CAMKV: variants seen among roughly 807,000 people sequenced by gnomAD.
CAMKV encodes the protein caM kinase-like vesicle-associated protein.
Under a neutral mutation model 50.2 loss-of-function variants are expected in CAMKV, and 5 were observed. The ratio of observed to expected loss-of-function variants is 0.10; its 90% confidence interval spans 0.05 to 0.21. CAMKV has a LOEUF of 0.21. Ranked by LOEUF, CAMKV falls within the 10% of genes least tolerant of loss-of-function variation. The pLI is 1.00. For synonymous variants in CAMKV, 229 were observed against 250.1 expected (o/e 0.92, Z 0.80); for missense variants, 361 against 650.5 (o/e 0.55, Z 4.84).
chr3:49,867,303 G>A (rs928896757), intron 1 of CAMKV, among the ~76,000 whole-genome samples: 1 of 152,254 alleles, frequency 6.6e-6, no homozygotes, highest in South Asian at 2.1e-4. Flanking sequence ...CTGAGCCTCC[G>A]GCTCGAGCTA....
In CAMKV at chr3:49,858,026, G is replaced by C; in HGVS notation, c.*1292C>G. The stretch of plus-strand genomic sequence containing the variant: ...TGATGTTTATTTGCCAGGTTCAGTA[G>C]GCACACAGTTAACCCACCGACCTTC... On this transcript the variant is annotated 3_prime_UTR_variant, in exon 11 of 11. Coordinates refer to ENST00000477224, the MANE Select transcript of CAMKV (RefSeq NM_024046.5). The C allele has an allele frequency of 2.6e-6, 1 of 379,184 alleles. No homozygotes were observed. Among genetic ancestry groups the C allele is most frequent in the Non-Finnish European group, 4.7e-6 (1 of 214,008 alleles). 23.5% of individuals were successfully genotyped at this position (379,184 alleles called of 1,614,324 possible).
chr3:49,860,411 G>A lies in CAMKV; in HGVS notation c.854+60C>T. The A allele has an allele frequency of 1.9e-6, 3 of 1,584,674 alleles. No homozygotes were observed. The highest frequency in any genetic ancestry group is 1.3e-5 in the African/African-American group (1 of 74,416). On this transcript the variant is annotated intron_variant, in intron 9 of 10. Coordinates refer to ENST00000477224, the MANE Select transcript of CAMKV (RefSeq NM_024046.5). This position sits in a 1 kb window ranked among gnomAD's most constrained non-coding sequence, Gnocchi z 6.1. ...TGCACCCCTTCCAGGCCTCAAAGAT[G>A]GGGCTGCTGGGTGTGAGGGGGACCC...
Position 49,861,385 on chromosome 3 carries a change from C to T in CAMKV, c.441+54G>A. 7 of 1,613,122 alleles carry T rather than the reference C, an allele frequency of 4.3e-6. No homozygotes were observed. Among genetic ancestry groups the T allele is most frequent in the Non-Finnish European group, 5.1e-6 (6 of 1,179,332 alleles). Reference sequence around the variant, plus strand: ...GACCAAGGCCCTGAGGTGCTGCCCACCCCAGCACCAGCCCAGCTGCCAACT... The same window carrying T: ...GACCAAGGCCCTGAGGTGCTGCCCATCCCAGCACCAGCCCAGCTGCCAACT... On this transcript the variant is annotated intron_variant, in intron 5 of 10. Transcript: ENST00000477224. The surrounding 1 kb of genome is among the most constrained non-coding windows in gnomAD (Gnocchi z 7.7).
In CAMKV at chr3:49,860,921, G is replaced by C; in HGVS notation, c.638+22C>G. The C allele has an allele frequency of 1.2e-6, 2 of 1,613,922 alleles. No homozygotes were observed. Among genetic ancestry groups the C allele is most frequent in the South Asian group, 2.2e-5 (2 of 91,076 alleles). ...CCCCACCCCATCTGACTGCAAGCCT[G>C]CTTGTCCATCTGTCCACTCACAGGA... On this transcript the variant is annotated intron_variant, in intron 7 of 10. Coordinates refer to ENST00000477224, the MANE Select transcript of CAMKV (RefSeq NM_024046.5). The surrounding 1 kb of genome is among the most constrained non-coding windows in gnomAD (Gnocchi z 6.1).
intron 1 of CAMKV, among the ~76,000 whole-genome samples, chr3:49,868,966 T>A (rs1184862690): frequency 6.6e-6 from 1 of 152,000 alleles, no homozygotes; most frequent in African/African-American, 2.4e-5. Flanking sequence ...GAGCCCAGGG[T>A]CTCTGCCAAA....
rs115466756 is a variant in CAMKV at position 49,866,520 on chromosome 3, C to T, written c.-15+3238G>A. ...TCCACAACAGCCATTTCCCTGGAGA[C>T]ATGGCTCCCTCCACTCTCTGCAGAG... On this transcript the variant is annotated intron_variant, in intron 1 of 10. Transcript: ENST00000477224. Among the ~76,000 whole-genome samples the T allele has an allele frequency of 4.3e-3, 660 of 152,336 alleles. 4 individuals carry two copies. Among genetic ancestry groups the T allele is most frequent in the Non-Finnish European group, 7.3e-3 (497 of 68,026 alleles).
chr3:49,860,158 A>G lies in CAMKV; in HGVS notation c.942+13T>C. Reference sequence around the variant, plus strand: ...TTGGGATAGAGCCAAGAAGGGAGTTATCCAAGCCTTACCTTCCACTTGGCC... The same window carrying G: ...TTGGGATAGAGCCAAGAAGGGAGTTGTCCAAGCCTTACCTTCCACTTGGCC... On this transcript the variant is annotated intron_variant, in intron 10 of 10. Transcript: ENST00000477224. The surrounding 1 kb of genome is among the most constrained non-coding windows in gnomAD (Gnocchi z 6.1). 6.2e-7 allele frequency: 1 copy of G among 1,610,884 alleles called. No individual in the cohort carries two copies. The highest frequency in any genetic ancestry group is 8.5e-7 in the Non-Finnish European group (1 of 1,177,014).
In CAMKV at chr3:49,866,952, C is replaced by T. The variant is rs2082070179; in HGVS notation, c.-15+2806G>A. Among the ~76,000 whole-genome samples the T allele has an allele frequency of 3.9e-5, 6 of 152,368 alleles. No individual in the cohort carries two copies. The South Asian group carries it at 1.2e-3, about 32-fold the overall frequency. ...TACCTTGGTCCCCTGCCACGTGGGG[C>T]TCCAGAGCTTGCAGTAAATCTAGGG... is the stretch of plus-strand genomic sequence containing the variant. On this transcript the variant is annotated intron_variant, in intron 1 of 10. Transcript: ENST00000477224.
At chr3:49,864,772 G>A (rs886668781) in intron 1 of CAMKV, among the ~76,000 whole-genome samples, 1 of 152,194 alleles carries the variant, frequency 6.6e-6, no homozygotes, top group Admixed American at 6.5e-5. Context: ...TAGGGCCTGG[G>A]GGTACCTAGA....
rs977879550 is a variant in CAMKV, at chr3:49,861,478, G to A, written c.402C>T (p.Ala134=). The part of the protein sequence containing the change: ...NVVRQVLEAV[A]YLHSLKIVHR... ...GCACGATCTTGAGTGAGTGCAAATA[G>A]GCCACGGCCTCCAGGACTTGCCGTA... Residue 134 remains alanine, a synonymous_variant, in exon 5 of 11, where the codon GCC becomes GCT. Coordinates refer to ENST00000477224, the MANE Select transcript of CAMKV (RefSeq NM_024046.5). The surrounding 1 kb of genome is among the most constrained non-coding windows in gnomAD (Gnocchi z 7.7). 6.2e-7 allele frequency: 1 copy of A among 1,614,186 alleles called. No homozygotes were observed. Among genetic ancestry groups the A allele is most frequent in the Middle Eastern group, 1.6e-4 (1 of 6,062 alleles).
intron 1 of CAMKV, among the ~76,000 whole-genome samples, chr3:49,867,669 C>T (rs2082075597): frequency 6.6e-6 from 1 of 152,076 alleles, no homozygotes; most frequent in East Asian, 1.9e-4. Context: ...TTTCCTGAGA[C>T]CTTAGCCTGG....
chr3:49,865,934 G>C (rs750897394), intron 1 of CAMKV, among the ~76,000 whole-genome samples: 13 of 152,188 alleles, frequency 8.5e-5, no homozygotes, highest in Non-Finnish European at 1.6e-4. Context: ...CGTGCCCACT[G>C]AGGTCCAGGG....
chr3:49,860,276 G>A lies in CAMKV; in HGVS notation c.855-18C>T. On this transcript the variant is annotated intron_variant, in intron 9 of 10. Transcript: ENST00000477224. The surrounding 1 kb of genome is among the most constrained non-coding windows in gnomAD (Gnocchi z 6.1). ...CAGAAATCCTGGAAAGGGTGCAAGTGTGTCTGGATCTGAGAGAATGAGCCT... is the reference window on the plus strand; with the variant it reads ...CAGAAATCCTGGAAAGGGTGCAAGTATGTCTGGATCTGAGAGAATGAGCCT... The A allele has an allele frequency of 6.2e-7, 1 of 1,610,810 alleles. No homozygotes were observed.
Position 49,859,045 on chromosome 3 carries a change from A to C in CAMKV, c.*273T>G. ...TCCCTAGAGCAGCATCCCACAAGGA[A>C]CAGAAACTGGTGAAGCTAGCAAAAG... On this transcript the variant is annotated 3_prime_UTR_variant, in exon 11 of 11. Transcript: ENST00000477224. The surrounding 1 kb of genome is among the most constrained non-coding windows in gnomAD (Gnocchi z 5.5). 5.3e-6 allele frequency: 2 copies of C among 376,342 alleles called. No homozygotes were observed. The highest frequency in any genetic ancestry group is 4.8e-6 in the Non-Finnish European group (1 of 209,138). The allele number at this position is 376,342 out of a possible 1,614,324, so 23.3% of individuals were successfully genotyped here.
chr3:49,865,372 C>A (rs1164758246), intron 1 of CAMKV, among the ~76,000 whole-genome samples: 1 of 152,216 alleles, frequency 6.6e-6, no homozygotes, highest in Non-Finnish European at 1.5e-5. Flanking sequence ...GGTACCTTAG[C>A]CTGCAGTCTC....
Position 49,858,102 on chromosome 3 carries a change from C to A in CAMKV, c.*1216G>T, listed in dbSNP as rs1394820531. The A allele has an allele frequency of 2.5e-6, 1 of 396,310 alleles. No homozygotes were observed. Among genetic ancestry groups the A allele is most frequent in the Non-Finnish European group, 4.4e-6 (1 of 225,036 alleles). 24.5% of individuals were successfully genotyped at this position (396,310 alleles called of 1,614,324 possible). A position where few individuals can be genotyped will look rare whatever the true frequency, so the allele number is the denominator to read the frequency against. On this transcript the variant is annotated 3_prime_UTR_variant, in exon 11 of 11. Transcript: ENST00000477224. ...TGCAGGGAGAAGGGCAGGACCACCACGGAGTGCCGAGCAAGGGCGAGGACC... is the reference window on the plus strand; with the variant it reads ...TGCAGGGAGAAGGGCAGGACCACCAAGGAGTGCCGAGCAAGGGCGAGGACC...
chr3:49,865,891 C>T (rs569418716), intron 1 of CAMKV, among the ~76,000 whole-genome samples: 14 of 152,330 alleles, frequency 9.2e-5, no homozygotes, highest in African/African-American at 3.1e-4. Context: ...TGTCCTTGAT[C>T]CTGGCCCCAG....
Position 49,869,575 on chromosome 3 carries a change from T to C in CAMKV, c.-15+183A>G, listed in dbSNP as rs922903909. On this transcript the variant is annotated intron_variant, in intron 1 of 10. Transcript: ENST00000477224. The surrounding 1 kb of genome is among the most constrained non-coding windows in gnomAD (Gnocchi z 5.2). ...AGCCGTCCGAGGTAATGGGGAACTT[T>C]AGCCCGACCCCGCACTCCCTCCCCC... Among the ~76,000 whole-genome samples, 3 of 152,010 alleles carry C rather than the reference T, an allele frequency of 2.0e-5. No homozygotes were observed. Among genetic ancestry groups the C allele is most frequent in the African/African-American group, 7.2e-5 (3 of 41,394 alleles).
intron 1 of CAMKV, among the ~76,000 whole-genome samples, chr3:49,867,193 G>A (rs186309843): frequency 6.6e-6 from 1 of 152,372 alleles, no homozygotes; most frequent in Non-Finnish European, 1.5e-5. Flanking sequence ...CACAGGACCA[G>A]GGGAGCTGAA....
Sources: allele counts gnomAD v4.1 joint callset (sites outside exome capture counted in the v4.1 genomes callset), GRCh38; gene constraint gnomAD v4.1.1; non-coding constraint Gnocchi (gnomAD v3.1); transcripts MANE v1.5; gene names NCBI Gene and HGNC (gene_info 2026-07-23, HGNC 2026-07-21).